Variants in SIPA1L2 observed in about 807,000 individuals in gnomAD.
SIPA1L2 encodes signal-induced proliferation-associated 1-like protein 2.
In SIPA1L2, 56 loss-of-function variants were observed where a neutral mutation model predicts 163.9. The ratio of observed to expected loss-of-function variants is 0.34; its 90% CI spans 0.28 to 0.43. The LOEUF is 0.43. SIPA1L2 is among the 20% of genes least tolerant of loss of function. The probability of loss-of-function intolerance (pLI) is 1.00; values close to 1 mark genes in which losing one functional copy is unlikely to be tolerated. For missense variants in SIPA1L2, 1,974 were observed against 2,193.5 expected (o/e 0.90, Z 2.00); for synonymous variants, 877 against 865.7 (o/e 1.01, Z -0.23).
intron 1 of SIPA1L2, among the ~76,000 whole-genome samples, chr1:232,624,533 T>A (rs1662978737): frequency 1.3e-5 from 2 of 152,228 alleles, no homozygotes; most frequent in Admixed American, 1.3e-4. Flanking sequence ...GCAGACATAA[T>A]CTTTTATTCA....
At position 232,415,509 on chromosome 1, in the gene SIPA1L2, C is replaced by G. The variant is rs372714276; in HGVS notation, c.4747G>C (p.Ala1583Pro). Residue 1583 changes from alanine (A) to proline (P), a missense_variant, in exon 19 of 23, where the codon GCA becomes CCA. Ala to Pro is a conservative substitution (Grantham distance 27, BLOSUM62 -1). Around this residue, in one of 3 missense-constraint regions of SIPA1L2, gnomAD observed 1,079 missense variants for 1,150.7 expected, o/e 0.94. Transcript: ENST00000674635. ...GAGTCTTTACCTTCAAATGCCCGTG[C>G]AGCATCCACGAGGTGGGTCCAATCT... Reference protein sequence around the residue: ...GLDWTHLVDAARAFEGLDSDE... With the variant: ...GLDWTHLVDAPRAFEGLDSDE... 10 of 1,611,318 alleles carry G rather than the reference C, an allele frequency of 6.2e-6. No individual in the cohort carries two copies. The highest frequency in any genetic ancestry group is 6.8e-6 in the Non-Finnish European group (8 of 1,178,944).
At chr1:232,455,407 T>C (rs4649263) in intron 10 of SIPA1L2, among the ~76,000 whole-genome samples, 45,606 of 152,050 alleles carry the variant, frequency 0.3, 7,458 homozygotes, top group East Asian at 0.57. Flanking sequence ...GTTGGCCGGG[T>C]GCCGTGGCTC....
At chr1:232,448,204 C>A (rs900222727) in intron 10 of SIPA1L2, among the ~76,000 whole-genome samples, 1 of 152,186 alleles carries the variant, frequency 6.6e-6, no homozygotes, top group African/African-American at 2.4e-5. Context: ...CTGCACAGTG[C>A]AAGGCGTACT....
chr1:232,617,421 A>G (rs1662558654), intron 1 of SIPA1L2, among the ~76,000 whole-genome samples: 1 of 152,244 alleles, frequency 6.6e-6, no homozygotes, highest in African/African-American at 2.4e-5. Flanking sequence ...TCTGACAGAA[A>G]TTGCTCCTAA....
At position 232,441,779 on chromosome 1, in the gene SIPA1L2, C is replaced by T; in HGVS notation, c.3527G>A (p.Ser1176Asn). The change falls in exon 13 of 23, where the codon AGC becomes AAC. Residue 1176 changes from serine to asparagine, a missense_variant. Ser to Asn is a conservative substitution (Grantham distance 46). This residue lies in a region of SIPA1L2 where 1,079 missense variants were observed against 1,150.7 expected (regional missense o/e 0.94). Coordinates refer to ENST00000674635, the MANE Select transcript of SIPA1L2 (RefSeq NM_020808.5). ...GAGTTCCTTATTACCCGGGTGCCTG[C>T]TTGCTTCCATGGTGTCTTCCCTCTC... ...AREREDTMEA[S>N]RHPETKWHGP... 1 of 1,613,932 alleles carries T rather than the reference C, an allele frequency of 6.2e-7. No individual in the cohort carries two copies. Among genetic ancestry groups the T allele is most frequent in the Non-Finnish European group, 8.5e-7 (1 of 1,179,940 alleles).
rs535739618 is a variant in SIPA1L2, at chr1:232,447,293, C to T, written c.3096-1507G>A. ...ATCCAGATAAAATCTTTCTATTGGA[C>T]AGCCCCCTGTAGAGGAACCTGGCCT... On this transcript the variant is annotated intron_variant, in intron 10 of 22. Transcript: ENST00000674635. Among the ~76,000 whole-genome samples, 5 of 152,294 alleles carry T rather than the reference C, an allele frequency of 3.3e-5. No individual in the cohort carries two copies. The South Asian group carries it at 1.0e-3, about 32-fold the overall frequency.
intron 3 of SIPA1L2, among the ~76,000 whole-genome samples, chr1:232,502,440 C>T (rs1022927428): frequency 6.6e-6 from 1 of 152,168 alleles, no homozygotes; most frequent in Non-Finnish European, 1.5e-5. Context: ...ACACTGCACT[C>T]ACAGAAGTCT....
intron 2 of SIPA1L2, among the ~76,000 whole-genome samples, chr1:232,536,750 G>A (rs1657331958): frequency 1.3e-5 from 2 of 151,962 alleles, no homozygotes; most frequent in South Asian, 4.2e-4. Context: ...CACTATATAA[G>A]TAATAAATAA....
At chr1:232,420,270 C>G (rs1661493149) in intron 18 of SIPA1L2, among the ~76,000 whole-genome samples, 1 of 151,884 alleles carries the variant, frequency 6.6e-6, no homozygotes, top group Non-Finnish European at 1.5e-5. Context: ...CTGCAGCGAG[C>G]CAAGATCACG....
chr1:232,588,102 G>GCA (rs1214789672), intron 1 of SIPA1L2, among the ~76,000 whole-genome samples: 2 of 152,114 alleles, frequency 1.3e-5, no homozygotes, highest in Non-Finnish European at 2.9e-5. Flanking sequence ...TGACTCTTGA[G>GCA]CACACACACA....
At chr1:232,564,886 C>A (rs982131485) in intron 2 of SIPA1L2, among the ~76,000 whole-genome samples, 1 of 152,038 alleles carries the variant, frequency 6.6e-6, no homozygotes, top group Non-Finnish European at 1.5e-5. Flanking sequence ...ATGACACACA[C>A]TGAGGCCTGT....
chr1:232,584,588 T>C (rs987136014), intron 1 of SIPA1L2, among the ~76,000 whole-genome samples: 1 of 152,238 alleles, frequency 6.6e-6, no homozygotes, highest in Non-Finnish European at 1.5e-5. Context: ...TCATGTGATA[T>C]AAAAATGTGA....
intron 10 of SIPA1L2, among the ~76,000 whole-genome samples, chr1:232,459,619 C>T (rs1225283746): frequency 6.6e-6 from 1 of 151,934 alleles, no homozygotes; most frequent in Non-Finnish European, 1.5e-5. Context: ...CTCAAGGGAT[C>T]CTCCTACCTT....
rs1458481019 is a variant in SIPA1L2, at chr1:232,425,654, G to A, written c.4565C>T (p.Thr1522Ile). ...ALPNDILFSTTPPYHSTLPPR... is the reference protein window; with the variant it reads ...ALPNDILFSTIPPYHSTLPPR... ...AGGCAGCGTGCTGTGGTAGGGTGGG[G>A]TGGTGCTGAACAGAATGTCGTTGGG... The change falls in exon 18 of 23, where the codon ACC (threonine) becomes ATC (isoleucine). Residue 1522 changes from threonine to isoleucine, a missense_variant. Physicochemically the swap from Thr to Ile is moderately conservative, Grantham distance 89. This residue lies in a region of SIPA1L2 where 1,079 missense variants were observed against 1,150.7 expected (regional missense o/e 0.94). Coordinates refer to ENST00000674635, the MANE Select transcript of SIPA1L2 (RefSeq NM_020808.5). The A allele has an allele frequency of 6.2e-7, 1 of 1,613,312 alleles. No individual in the cohort carries two copies. The highest frequency in any genetic ancestry group is 8.5e-7 in the Non-Finnish European group (1 of 1,179,830).
chr1:232,603,063 C>T (rs1259782627), intron 1 of SIPA1L2, among the ~76,000 whole-genome samples: 2 of 152,086 alleles, frequency 1.3e-5, no homozygotes, highest in Non-Finnish European at 2.9e-5. Flanking sequence ...GCAGAATTAG[C>T]GGATGCTGGT....
chr1:232,516,700 T>C (rs1004565396), intron 2 of SIPA1L2, among the ~76,000 whole-genome samples: 1 of 152,140 alleles, frequency 6.6e-6, no homozygotes, highest in Non-Finnish European at 1.5e-5. Context: ...TTCTAAGACA[T>C]TCCCACATGC....
intron 2 of SIPA1L2, among the ~76,000 whole-genome samples, chr1:232,521,150 A>G (rs1667441847): frequency 6.6e-6 from 1 of 152,234 alleles, no homozygotes; most frequent in Non-Finnish European, 1.5e-5. Context: ...ATGAGAACAT[A>G]AAAACCAGCA....
intron 2 of SIPA1L2, among the ~76,000 whole-genome samples, chr1:232,555,268 TG>T (rs1158122249): frequency 1.3e-5 from 2 of 152,214 alleles, no homozygotes; most frequent in Admixed American, 6.5e-5. Context: ...ACCGGTAATC[TG>T]AAGCCAGAGT....
intron 3 of SIPA1L2, among the ~76,000 whole-genome samples, chr1:232,494,386 C>T (rs935787151): frequency 1.3e-5 from 2 of 152,194 alleles, no homozygotes; most frequent in African/African-American, 4.8e-5. Flanking sequence ...ATCTAACACA[C>T]GGATCCCTCC....
Sources: gnomAD v4.1 joint callset for allele counts (sites outside exome capture counted in the v4.1 genomes callset) on GRCh38, gnomAD v4.1.1 for gene constraint, gnomAD v4.1.1 regional missense constraint, MANE v1.5 for transcripts, NCBI Gene and HGNC (gene_info 2026-07-23, HGNC 2026-07-21) for gene names.